The following DOCK3 variants were observed in gnomAD, a reference collection of about 807,000 sequenced individuals.
DOCK3 encodes the protein dedicator of cytokinesis protein 3.
DOCK3 carries 60 observed loss-of-function variants against 265.6 expected under a neutral mutation model. The ratio of observed to expected loss-of-function variants is 0.23; its 90% confidence interval spans 0.18 to 0.28. The LOEUF is 0.28. Ranked by LOEUF, DOCK3 falls within the 10% of genes least tolerant of loss-of-function variation. DOCK3 has a pLI of 1.00. For missense variants in DOCK3, 1,981 were observed against 2,594.3 expected (o/e 0.76, Z 5.14); for synonymous variants, 881 against 938.0 (o/e 0.94, Z 1.11).
At chr3:51,232,245 C>T (rs557070324) in intron 19 of DOCK3, among the ~76,000 whole-genome samples, 1 of 152,260 alleles carries the variant, frequency 6.6e-6, no homozygotes, top group South Asian at 2.1e-4. Flanking sequence ...GCAGTGTACA[C>T]TGTACCCAAT....
intron 4 of DOCK3, among the ~76,000 whole-genome samples, chr3:50,894,344 A>C (rs1184961142): frequency 6.6e-6 from 1 of 152,038 alleles, no homozygotes; most frequent in Non-Finnish European, 1.5e-5. Context: ...AACAAAAAAA[A>C]CCCTGTCAAC....
At chr3:51,189,989 G>T (rs1223435705) in intron 12 of DOCK3, among the ~76,000 whole-genome samples, 2 of 152,166 alleles carry the variant, frequency 1.3e-5, no homozygotes, top group African/African-American at 4.8e-5. Context: ...AGGGGGAAAA[G>T]ATATATCCTT....
intron 5 of DOCK3, among the ~76,000 whole-genome samples, chr3:50,948,855 T>C (rs2076514780): frequency 6.6e-6 from 1 of 152,140 alleles, no homozygotes; most frequent in African/African-American, 2.4e-5. Context: ...CTGGAGGTAT[T>C]TGTGTATGTG....
intron 7 of DOCK3, among the ~76,000 whole-genome samples, chr3:51,077,247 C>A (rs1463230055): frequency 5.3e-5 from 8 of 151,950 alleles, no homozygotes; most frequent in Non-Finnish European, 4.4e-5. Context: ...CTAAGAATTC[C>A]CCTTGGAATA....
intron 3 of DOCK3, among the ~76,000 whole-genome samples, chr3:50,871,927 T>C (rs2107588877): frequency 6.6e-6 from 1 of 152,362 alleles, no homozygotes; most frequent in South Asian, 2.1e-4. Flanking sequence ...GATAGAATTC[T>C]GGATTTCTTT....
At chr3:51,189,934 C>A (rs191057466) in intron 12 of DOCK3, among the ~76,000 whole-genome samples, 1 of 152,108 alleles carries the variant, frequency 6.6e-6, no homozygotes, top group African/African-American at 2.4e-5. Flanking sequence ...CCACTCACAC[C>A]GAGCTCACAT....
chr3:50,866,813 T>G (rs1314759122), intron 3 of DOCK3, among the ~76,000 whole-genome samples: 1 of 152,188 alleles, frequency 6.6e-6, no homozygotes, highest in African/African-American at 2.4e-5. Context: ...GCCAATACCA[T>G]GCTCTTTTGG....
chr3:51,250,647 G>A (rs113017803), intron 22 of DOCK3, among the ~76,000 whole-genome samples: 1 of 152,018 alleles, frequency 6.6e-6, no homozygotes, highest in East Asian at 1.9e-4. Flanking sequence ...AAACAAACTC[G>A]ATGAGTACTA....
chr3:50,999,536 C>T (rs2078399666), intron 5 of DOCK3, among the ~76,000 whole-genome samples: 1 of 152,146 alleles, frequency 6.6e-6, no homozygotes. Context: ...AGGTTTTATC[C>T]AGCCTTGTAG....
At chr3:51,181,600 G>T (rs1298107744) in intron 12 of DOCK3, among the ~76,000 whole-genome samples, 1 of 151,994 alleles carries the variant, frequency 6.6e-6, no homozygotes, top group Non-Finnish European at 1.5e-5. Context: ...AGGCATAATA[G>T]CCTATTTAAT....
At chr3:51,038,581 T>G (rs1301575576) in intron 5 of DOCK3, among the ~76,000 whole-genome samples, 2 of 152,228 alleles carry the variant, frequency 1.3e-5, no homozygotes, top group African/African-American at 2.4e-5. Flanking sequence ...ATGTTTTAAC[T>G]CTCTGTGTAC....
chr3:50,871,848 G>C (rs1254969677), intron 3 of DOCK3, among the ~76,000 whole-genome samples: 2 of 152,142 alleles, frequency 1.3e-5, no homozygotes, highest in Non-Finnish European at 2.9e-5. Context: ...TACATCAGTT[G>C]CATTTTTCAA....
intron 1 of DOCK3, among the ~76,000 whole-genome samples, chr3:50,701,660 T>C (rs2036048969): frequency 6.6e-6 from 1 of 152,120 alleles, no homozygotes; most frequent in African/African-American, 2.4e-5. Flanking sequence ...AATCTTTGTG[T>C]AGACCAATGT....
At chr3:51,131,987 C>T (rs1240659799) in intron 9 of DOCK3, among the ~76,000 whole-genome samples, 1 of 152,144 alleles carries the variant, frequency 6.6e-6, no homozygotes, top group Non-Finnish European at 1.5e-5. Flanking sequence ...CTGGACCCTC[C>T]CAGCTGGGAT....
At chr3:50,966,483 G>GTTTTTTTTTT (rs140247895) in intron 5 of DOCK3, among the ~76,000 whole-genome samples, 5 of 116,902 alleles carry the variant, frequency 4.3e-5, no homozygotes, top group Non-Finnish European at 5.2e-5. Context: ...GTTATCTCTT[G>GTTTTTTTTTT]TTTTTTTTTT....
intron 12 of DOCK3, among the ~76,000 whole-genome samples, chr3:51,189,421 T>A (rs1330377078): frequency 6.6e-6 from 1 of 152,074 alleles, no homozygotes; most frequent in African/African-American, 2.4e-5. Context: ...TCTCCCACCC[T>A]CCCCTTTCTG....
rs73072498 is a variant in DOCK3 at position 50,746,011 on chromosome 3, T to C, written c.38-32664T>C. On this transcript the variant is annotated intron_variant, in intron 1 of 52. Coordinates refer to ENST00000266037, the MANE Select transcript of DOCK3 (RefSeq NM_004947.5). ...CTAGACACAAGTCCTTTATCAGATA[T>C]ATACTTTGCAAAGATTTTCTTTCAG... Among the ~76,000 whole-genome samples the C allele has an allele frequency of 6.6e-3, 1,003 of 152,306 alleles. 4 individuals carry two copies. The highest frequency in any genetic ancestry group is 0.012 in the South Asian group (56 of 4,834).
intron 12 of DOCK3, among the ~76,000 whole-genome samples, chr3:51,198,133 G>A (rs565737231): frequency 6.6e-6 from 1 of 152,336 alleles, no homozygotes; most frequent in South Asian, 2.1e-4. Flanking sequence ...CAAGCAGTCT[G>A]CCAAAGGCTG....
chr3:51,162,853 G>A (rs900288936), intron 12 of DOCK3, among the ~76,000 whole-genome samples: 5 of 152,038 alleles, frequency 3.3e-5, no homozygotes, highest in Middle Eastern at 3.4e-3. Context: ...CTAAAAAGAT[G>A]AAAAAAATAT....
Sources: gnomAD v4.1 joint callset for allele counts (sites outside exome capture counted in the v4.1 genomes callset) on GRCh38, gnomAD v4.1.1 for gene constraint, MANE v1.5 for transcripts, NCBI Gene and HGNC (gene_info 2026-07-23, HGNC 2026-07-21) for gene names.